Variants in AEN observed in about 807,000 individuals in gnomAD.
AEN encodes apoptosis enhancing nuclease, also known as apoptosis-enhancing nuclease.
Under a neutral mutation model 17.7 loss-of-function variants are expected in AEN, and 21 were observed. The ratio of observed to expected loss-of-function variants is 1.19; its 90% CI spans 0.84 to 1.71. The LOEUF is 1.71. Ranked by LOEUF, AEN falls within the 40% of genes most tolerant of loss-of-function variation. The probability of loss-of-function intolerance (pLI) is 0.00; values close to 1 mark genes in which losing one functional copy is unlikely to be tolerated. For missense variants in AEN, 462 were observed against 435.9 expected, an observed-to-expected ratio of 1.06 and a Z score of -0.53; for synonymous variants, 190 against 173.0, an observed-to-expected ratio of 1.10 and a Z score of -0.77.
At chr15:88,605,062 C>G in the AEN span, 2 of 152,412 alleles carry the variant, frequency 1.3e-5, no homozygotes, top group African/African-American at 2.4e-5. The surrounding 1 kb of genome is among the most constrained non-coding windows in gnomAD (Gnocchi z 7.6). Flanking sequence ...TGAGGCTGCT[C>G]TGGAGGGCCG....
At chr15:88,609,691 C>G in the AEN span, among the ~76,000 whole-genome samples, 2 of 152,188 alleles carry the variant, frequency 1.3e-5, no homozygotes, top group Non-Finnish European at 2.9e-5. Flanking sequence ...ACTACAGCAG[C>G]CTCTTTTATT....
Position 88,629,374 on chromosome 15 carries a change from C to T in AEN, c.689C>T (p.Ala230Val). The change falls in exon 3 of 4, where the codon GCC (alanine) becomes GTC (valine). Residue 230 changes from alanine to valine, a missense_variant. Coordinates refer to ENST00000332810, the MANE Select transcript of AEN (RefSeq NM_022767.4). Reference protein sequence around the residue: ...FLSEPGLHTRARVSLKDLALQ... With the variant: ...FLSEPGLHTRVRVSLKDLALQ... ...AGCGAGCCCGGCCTCCACACCCGGG[C>T]CCGGGTCTCTCTAAAGGACCTGGCC... The T allele has an allele frequency of 6.2e-7, 1 of 1,614,128 alleles. No individual in the cohort carries two copies. The highest frequency in any genetic ancestry group is 8.5e-7 in the Non-Finnish European group (1 of 1,180,000).
At chr15:88,611,792 G>T in the AEN span, 1 of 467,022 alleles carries the variant, frequency 2.1e-6, no homozygotes, top group Admixed American at 2.6e-5. Flanking sequence ...GCGAGGGGAG[G>T]GGGGTGGTCC....
the AEN span, chr15:88,608,046 TTC>T: frequency 2.0e-6 from 1 of 488,586 alleles, no homozygotes; most frequent in East Asian, 5.7e-5. Context: ...ATTATTCACT[TTC>T]TGCTTATTTT....
chr15:88,605,488 A>T, the AEN span, among the ~76,000 whole-genome samples: 5 of 152,356 alleles, frequency 3.3e-5, no homozygotes, highest in Admixed American at 1.3e-4. The surrounding 1 kb of genome is among the most constrained non-coding windows in gnomAD (Gnocchi z 7.6). Context: ...GCCAGCACCC[A>T]GAGAGCCCAG....
upstream of AEN, among the ~76,000 whole-genome samples, chr15:88,620,137 A>G (rs1055793299): frequency 2.6e-5 from 4 of 152,076 alleles, no homozygotes; most frequent in Non-Finnish European, 5.9e-5. Flanking sequence ...CTCCTAGCTT[A>G]TTTCTCATCA....
At chr15:88,612,907 C>T in the AEN span, among the ~76,000 whole-genome samples, 9 of 152,202 alleles carry the variant, frequency 5.9e-5, no homozygotes, top group East Asian at 1.7e-3. Context: ...GGCCTCCCAG[C>T]CTTTCTGCCT....
At chr15:88,622,878 C>G (rs1596026861) in intron 1 of AEN, among the ~76,000 whole-genome samples, 1 of 152,266 alleles carries the variant, frequency 6.6e-6, no homozygotes, top group East Asian at 1.9e-4. Flanking sequence ...GGGGAGGTCT[C>G]TTTCTCTCTT....
Position 88,623,586 on chromosome 15 carries a change from A to G in AEN, c.-65+2204A>G, listed in dbSNP as rs371396820. On this transcript the variant is annotated intron_variant, in intron 1 of 3. Transcript: ENST00000332810. ...GCTCTGAGGTAGACTGTGTGTACCA[A>G]TGGACTTTGAAGGGTGTAATAATTC... Among the ~76,000 whole-genome samples the G allele has an allele frequency of 2.0e-5, 3 of 152,294 alleles. No homozygotes were observed. In the East Asian group the frequency reaches 5.8e-4, roughly 29 times the overall value.
At chr15:88,622,752 GT>G (rs1225323292) in intron 1 of AEN, among the ~76,000 whole-genome samples, 1 of 152,094 alleles carries the variant, frequency 6.6e-6, no homozygotes, top group Non-Finnish European at 1.5e-5. Flanking sequence ...CCCAGGCCTG[GT>G]TTTGGGTCTG....
intron 1 of AEN, chr15:88,621,908 G>C (rs1309169035): frequency 6.6e-6 from 1 of 152,168 alleles, no homozygotes; most frequent in African/African-American, 2.4e-5. Flanking sequence ...TAGCAATTAG[G>C]ACGGTGTGGG....
upstream of AEN, among the ~76,000 whole-genome samples, chr15:88,616,580 A>G (rs2057740231): frequency 6.6e-6 from 1 of 152,234 alleles, no homozygotes; most frequent in Non-Finnish European, 1.5e-5. Flanking sequence ...TGACAGTGTG[A>G]GACCACCCTT....
At chr15:88,615,190 T>C in the AEN span, among the ~76,000 whole-genome samples, 5 of 152,220 alleles carry the variant, frequency 3.3e-5, no homozygotes, top group Admixed American at 2.0e-4. Flanking sequence ...AAGTTCAGCA[T>C]GTTGAGTCAA....
At chr15:88,607,376 A>C in the AEN span, among the ~76,000 whole-genome samples, 1 of 152,218 alleles carries the variant, frequency 6.6e-6, no homozygotes, top group Non-Finnish European at 1.5e-5. Context: ...GCCTATGTCC[A>C]TTAGAAACAT....
At chr15:88,606,780 T>C in the AEN span, among the ~76,000 whole-genome samples, 974 of 152,350 alleles carry the variant, frequency 6.4e-3, 7 homozygotes, top group South Asian at 0.029. Context: ...TTTGTTTTTA[T>C]TTTAAGTAAA....
chr15:88,616,893 G>A (rs2057742940), upstream of AEN, among the ~76,000 whole-genome samples: 2 of 152,102 alleles, frequency 1.3e-5, no homozygotes, highest in Non-Finnish European at 2.9e-5. Flanking sequence ...GGTATGTCAG[G>A]CTAAGCTATA....
Position 88,626,584 on chromosome 15 carries a change from G to C in AEN, c.375G>C (p.Arg125=). 2 of 1,614,144 alleles carry C rather than the reference G, an allele frequency of 1.2e-6. No homozygotes were observed. Among genetic ancestry groups the C allele is most frequent in the Non-Finnish European group, 1.7e-6 (2 of 1,180,050 alleles). ...TGGTGGGCACGGGACCCCGAGGGCGGGTAAGCGAGCTGGCCCGCTGTTCCA... is the reference window on the plus strand; with the variant it reads ...TGGTGGGCACGGGACCCCGAGGGCGCGTAAGCGAGCTGGCCCGCTGTTCCA... ...CEMVGTGPRG[R]VSELARCSIV... Residue 125 remains arginine, a synonymous_variant, in exon 2 of 4, where the codon CGG becomes CGC. Transcript: ENST00000332810.
chr15:88,631,173 G>GTT lies in AEN; in HGVS notation c.*880_*881insTT, dbSNP rs2057923427. The GTT allele has an allele frequency of 4.4e-6, 2 of 456,586 alleles. No individual in the cohort carries two copies. The highest frequency in any genetic ancestry group is 4.4e-6 in the Non-Finnish European group (1 of 226,964). The allele number at this position is 456,586 out of a possible 1,614,324, so 28.3% of individuals were successfully genotyped here. On this transcript the variant is annotated 3_prime_UTR_variant, in exon 4 of 4. Coordinates refer to ENST00000332810, the MANE Select transcript of AEN (RefSeq NM_022767.4). ...GTGGTTTGAATTCTGGGGCCTTTGT[G>GTT]TAGGATTGTGCCTGACCTTTATTTA...
rs542330482 is a variant in AEN at position 88,632,101 on chromosome 15, A to T, written c.*1807A>T. 5.9e-5 allele frequency: 9 copies of T among 152,286 alleles called. No homozygotes were observed. Among genetic ancestry groups the T allele is most frequent in the African/African-American group, 2.2e-4 (9 of 41,546 alleles). 9.4% of individuals were successfully genotyped at this position (152,286 alleles called of 1,614,324 possible). ...TTACCACTTCTGGCCTGGCTCCAGA[A>T]CTTTGTTCTAGATTCCTTAAAAGTC... On this transcript the variant is annotated 3_prime_UTR_variant, in exon 4 of 4. Coordinates refer to ENST00000332810, the MANE Select transcript of AEN (RefSeq NM_022767.4).
Sources: allele counts gnomAD v4.1 joint callset (sites outside exome capture counted in the v4.1 genomes callset), GRCh38; gene constraint gnomAD v4.1.1; non-coding constraint Gnocchi (gnomAD v3.1); transcripts MANE v1.5; gene names NCBI Gene and HGNC (gene_info 2026-07-23, HGNC 2026-07-21).